The following PTPRD variants were observed in gnomAD, a reference collection of about 807,000 sequenced individuals.
PTPRD encodes the protein protein tyrosine phosphatase receptor type D, also known as receptor-type tyrosine-protein phosphatase delta.
Under a neutral mutation model 214.5 loss-of-function variants are expected in PTPRD, and 34 were observed. The observed-to-expected ratio is 0.16, with a 90% confidence interval of 0.12 to 0.21. The LOEUF (loss-of-function observed/expected upper bound fraction) is 0.21. Among genes scored for constraint, PTPRD ranks in the 10% least tolerant of loss-of-function variants. PTPRD has a pLI of 1.00. For missense variants in PTPRD, 2,545 were observed against 2,398.7 expected (o/e 1.06, Z -1.27); for synonymous variants, 1,128 against 845.7 (o/e 1.33, Z -5.79).
At chr9:10,015,923 G>C (rs568531862) in intron 4 of PTPRD, among the ~76,000 whole-genome samples, 2 of 152,214 alleles carry the variant, frequency 1.3e-5, no homozygotes, top group East Asian at 3.9e-4. Context: ...TGTACCATGT[G>C]TCCCATAAAC....
At chr9:10,140,677 G>A (rs1244684660) in intron 3 of PTPRD, among the ~76,000 whole-genome samples, 1 of 151,998 alleles carries the variant, frequency 6.6e-6, no homozygotes, top group South Asian at 2.1e-4. Flanking sequence ...GTACAAGGAG[G>A]AACTGGTACC....
At chr9:10,394,169 CAT>C (rs2098126689) in intron 2 of PTPRD, among the ~76,000 whole-genome samples, 1 of 138,312 alleles carries the variant, frequency 7.2e-6, no homozygotes, top group South Asian at 2.2e-4. Context: ...GATATATATA[CAT>C]ATATATCTAT....
At chr9:8,466,626 C>A (rs1304529785) in intron 31 of PTPRD, among the ~76,000 whole-genome samples, 2 of 151,850 alleles carry the variant, frequency 1.3e-5, no homozygotes, top group Non-Finnish European at 2.9e-5. Flanking sequence ...CTGTATTAGT[C>A]TGGGATGCCT....
intron 6 of PTPRD, among the ~76,000 whole-genome samples, chr9:9,762,191 G>A (rs1447356090): frequency 6.6e-6 from 1 of 152,104 alleles, no homozygotes; most frequent in African/African-American, 2.4e-5. Flanking sequence ...CTTCCCTCTT[G>A]GAAGAATAGT....
intron 11 of PTPRD, among the ~76,000 whole-genome samples, chr9:8,931,982 T>C (rs1401103507): frequency 6.6e-6 from 1 of 152,228 alleles, no homozygotes; most frequent in Non-Finnish European, 1.5e-5. Context: ...GATGGTAGTT[T>C]GTATTTCTTT....
intron 11 of PTPRD, among the ~76,000 whole-genome samples, chr9:8,931,492 T>C (rs897715647): frequency 6.6e-6 from 1 of 152,218 alleles, no homozygotes; most frequent in African/African-American, 2.4e-5. Flanking sequence ...TTTCCAATTC[T>C]GTGAAGAAAG....
chr9:9,613,305 GTCAT>G (rs1243334424), intron 7 of PTPRD, among the ~76,000 whole-genome samples: 2 of 151,546 alleles, frequency 1.3e-5, no homozygotes, highest in Non-Finnish European at 2.9e-5. Context: ...TCTAAAAAAC[GTCAT>G]TCAATCAGTT....
intron 3 of PTPRD, among the ~76,000 whole-genome samples, chr9:10,068,418 G>A (rs141921954): frequency 2.0e-5 from 3 of 152,034 alleles, no homozygotes; most frequent in East Asian, 1.9e-4. Context: ...GATATAGAGT[G>A]TAAATGATAC....
intron 8 of PTPRD, among the ~76,000 whole-genome samples, chr9:9,495,884 G>A (rs1282957012): frequency 6.6e-6 from 1 of 152,166 alleles, no homozygotes; most frequent in African/African-American, 2.4e-5. Flanking sequence ...TCCATCTGCA[G>A]ACAATGAAAC....
At chr9:10,341,053 T>G (rs1008285024) in intron 2 of PTPRD, 36 bp from the exon 3 acceptor site, 3 of 151,978 alleles carry the variant, frequency 2.0e-5, no homozygotes, top group African/African-American at 7.2e-5. Context: ...GATCCATTAT[T>G]TTACATTAAT....
At chr9:10,133,953 A>G (rs1299717886) in intron 3 of PTPRD, among the ~76,000 whole-genome samples, 2 of 152,138 alleles carry the variant, frequency 1.3e-5, no homozygotes, top group African/African-American at 2.4e-5. Context: ...TATATTACAT[A>G]CTTTTTTTCA....
chr9:9,776,334 T>C (rs779440813), intron 5 of PTPRD, among the ~76,000 whole-genome samples: 3 of 152,212 alleles, frequency 2.0e-5, no homozygotes, highest in Admixed American at 1.3e-4. Context: ...CTTAGTTGTA[T>C]GTTCCTAATT....
chr9:10,408,443 T>C (rs1438030364), intron 2 of PTPRD, among the ~76,000 whole-genome samples: 2 of 151,698 alleles, frequency 1.3e-5, no homozygotes, highest in Non-Finnish European at 2.9e-5. Context: ...ATTTCAAAGA[T>C]GGTGCAATGG....
chr9:9,237,450 C>T (rs1396009153), intron 9 of PTPRD, among the ~76,000 whole-genome samples: 1 of 151,994 alleles, frequency 6.6e-6, no homozygotes. Flanking sequence ...CCACCACCAC[C>T]CAACAACTAT....
At chr9:10,360,928 C>A (rs1274533992) in intron 2 of PTPRD, among the ~76,000 whole-genome samples, 1 of 152,020 alleles carries the variant, frequency 6.6e-6, no homozygotes, top group Non-Finnish European at 1.5e-5. Flanking sequence ...CGATGAAACC[C>A]CGTCTCTACT....
At chr9:10,323,238 C>T (rs2096584721) in intron 3 of PTPRD, among the ~76,000 whole-genome samples, 1 of 41,096 alleles carries the variant, frequency 2.4e-5, no homozygotes, top group Middle Eastern at 0.014. Context: ...CTCTCCCCTC[C>T]CCTCCCCTCC....
At chr9:9,042,614 C>A (rs113545502) in intron 10 of PTPRD, among the ~76,000 whole-genome samples, 3 of 112,472 alleles carry the variant, frequency 2.7e-5, no homozygotes, top group Admixed American at 9.0e-5. Flanking sequence ...TCTTTTTTTT[C>A]TTTTCTTTTT....
chr9:10,317,803 G>C (rs183485070), intron 3 of PTPRD, among the ~76,000 whole-genome samples: 2 of 151,890 alleles, frequency 1.3e-5, no homozygotes, highest in Non-Finnish European at 2.9e-5. Flanking sequence ...CATGTATAAC[G>C]TCTGACTATT....
intron 10 of PTPRD, among the ~76,000 whole-genome samples, chr9:9,117,092 A>G (rs1682009241): frequency 6.6e-6 from 1 of 152,174 alleles, no homozygotes; most frequent in Non-Finnish European, 1.5e-5. Context: ...TGAAAGCAGA[A>G]GGATGCTATC....
Sources: allele counts gnomAD v4.1 joint callset (sites outside exome capture counted in the v4.1 genomes callset), GRCh38; gene constraint gnomAD v4.1.1; transcripts MANE v1.5; gene names NCBI Gene and HGNC (gene_info 2026-07-23, HGNC 2026-07-21).